The following ERBB4 variants were observed in gnomAD, a reference collection of about 807,000 sequenced individuals.
ERBB4 encodes erb-b2 receptor tyrosine kinase 4.
ERBB4 carries 42 observed loss-of-function variants against 158.0 expected under a neutral mutation model. That is an observed-to-expected ratio of 0.27 (90% CI 0.21 to 0.34). The LOEUF (loss-of-function observed/expected upper bound fraction) is 0.34. Ranked by LOEUF, ERBB4 falls within the 10% of genes least tolerant of loss-of-function variation. The probability of loss-of-function intolerance (pLI) is 1.00; values close to 1 mark genes in which losing one functional copy is unlikely to be tolerated. For synonymous variants in ERBB4, 583 were observed against 558.7 expected, an observed-to-expected ratio of 1.04 and a Z score of -0.61; for missense variants, 1,333 against 1,624.1, an observed-to-expected ratio of 0.82 and a Z score of 3.08.
At position 211,593,192 on chromosome 2, in the gene ERBB4, T is replaced by A. The variant is rs570960430; in HGVS notation, c.2301+25985A>T. Reference sequence around the variant, plus strand: ...GCCTTAAGAAAGTAGTTAAAGTTACTGACGATGGAACAAGAAAGTAAAGTA... The same window carrying A: ...GCCTTAAGAAAGTAGTTAAAGTTACAGACGATGGAACAAGAAAGTAAAGTA... On this transcript the variant is annotated intron_variant, in intron 19 of 27. Coordinates refer to ENST00000342788, the MANE Select transcript of ERBB4 (RefSeq NM_005235.3). Among the ~76,000 whole-genome samples, 7 of 152,204 alleles carry A rather than the reference T, an allele frequency of 4.6e-5. No homozygotes were observed. The East Asian group carries it at 1.4e-3, about 29-fold the overall frequency.
intron 20 of ERBB4, among the ~76,000 whole-genome samples, chr2:211,556,553 A>C (rs2067242334): frequency 6.6e-6 from 1 of 152,168 alleles, no homozygotes; most frequent in East Asian, 1.9e-4. Flanking sequence ...ACATAGGTGT[A>C]TATACTTACA....
chr2:212,345,267 A>AAAAAAAAAAAAAAAAAAAAAAAAAAAAT (rs1165656941), intron 1 of ERBB4, among the ~76,000 whole-genome samples: 1 of 147,986 alleles, frequency 6.8e-6, no homozygotes, highest in Admixed American at 6.7e-5. Context: ...CTCCGTCTCA[A>AAAAAAAAAAAAAAAAAAAAAAAAAAAAT]AAAAAAAAAA....
intron 1 of ERBB4, among the ~76,000 whole-genome samples, chr2:212,202,191 G>A (rs1161663781): frequency 6.6e-6 from 1 of 151,918 alleles, no homozygotes; most frequent in East Asian, 1.9e-4. Flanking sequence ...TTAAAATGGT[G>A]GTGCGAAATT....
In ERBB4 at chr2:211,712,684, A is replaced by C. The variant is rs532010848; in HGVS notation, c.998-508T>G. Reference sequence around the variant, plus strand: ...TTCTAATGATGTGAATTATAACCAAAATCAAGGGCCATTCAAATATTTATG... The same window carrying C: ...TTCTAATGATGTGAATTATAACCAACATCAAGGGCCATTCAAATATTTATG... On this transcript the variant is annotated intron_variant, in intron 8 of 27. Transcript: ENST00000342788. 3.3e-5 allele frequency among the ~76,000 whole-genome samples: 5 copies of C among 152,224 alleles called. No homozygotes were observed. In the East Asian group the frequency reaches 9.7e-4, roughly 29 times the overall value.
intron 1 of ERBB4, among the ~76,000 whole-genome samples, chr2:212,486,531 A>G (rs1263236360): frequency 6.6e-6 from 1 of 152,190 alleles, no homozygotes; most frequent in Non-Finnish European, 1.5e-5. Flanking sequence ...TCAGGGACTG[A>G]ATTTGCAGCT....
chr2:212,369,460 T>C (rs2090009795), intron 1 of ERBB4, among the ~76,000 whole-genome samples: 2 of 152,040 alleles, frequency 1.3e-5, no homozygotes, highest in Admixed American at 1.3e-4. Flanking sequence ...AATATATAAG[T>C]ATCTGTCCAA....
At chr2:211,387,795 A>G in intron 26 of ERBB4, 150 bp downstream of exon 26, 1 of 713,756 alleles carries the variant, frequency 1.4e-6, no homozygotes, top group Non-Finnish European at 2.6e-6. Flanking sequence ...ATAAAAACAC[A>G]TCTACAAAGG....
At chr2:211,630,644 A>G (rs2125873705) in intron 16 of ERBB4, 50 bp from the exon 17 acceptor site, 4 of 1,505,264 alleles carry the variant, frequency 2.7e-6, no homozygotes, top group Non-Finnish European at 3.7e-6. Context: ...AAGAGAGAGA[A>G]GACAGAGGAA....
rs114735075 is a variant in ERBB4 at position 212,072,810 on chromosome 2, C to T, written c.234+51942G>A. Among the ~76,000 whole-genome samples, 971 of 152,054 alleles carry T rather than the reference C, an allele frequency of 6.4e-3. 7 individuals are homozygous for T. Among genetic ancestry groups the T allele is most frequent in the Non-Finnish European group, 0.01 (705 of 67,936 alleles). On this transcript the variant is annotated intron_variant, in intron 2 of 27. Transcript: ENST00000342788. ...ACACAGATGAGGAAAAAGTAAGCCCCTGTTTCATGGAGCTTGAGATTATTA... is the reference window on the plus strand; with the variant it reads ...ACACAGATGAGGAAAAAGTAAGCCCTTGTTTCATGGAGCTTGAGATTATTA...
rs147972359 is a variant in ERBB4 at position 211,947,152 on chromosome 2, A to G, written c.421+278T>C. ...TTCACCTGAAACCACCAAACACAGC[A>G]TGTTTCATATCTCAGTTTTCAGTCA... On this transcript the variant is annotated intron_variant, in intron 3 of 27. Transcript: ENST00000342788. Among the ~76,000 whole-genome samples, 242 of 152,280 alleles carry G rather than the reference A, an allele frequency of 1.6e-3. 2 individuals carry two copies. The highest frequency in any genetic ancestry group is 5.5e-3 in the African/African-American group (229 of 41,564).
At chr2:212,381,265 G>C (rs1034506163) in intron 1 of ERBB4, among the ~76,000 whole-genome samples, 6 of 151,198 alleles carry the variant, frequency 4.0e-5, no homozygotes, top group African/African-American at 1.5e-4. Context: ...AAAAGTCAAA[G>C]GTTGGCTCAA....
chr2:212,347,409 T>C (rs1011446097), intron 1 of ERBB4, among the ~76,000 whole-genome samples: 3 of 152,252 alleles, frequency 2.0e-5, no homozygotes, highest in South Asian at 2.1e-4. Context: ...AAAAAGGGCA[T>C]TGGGAATCAC....
At chr2:212,348,574 A>G (rs1185026242) in intron 1 of ERBB4, among the ~76,000 whole-genome samples, 1 of 152,194 alleles carries the variant, frequency 6.6e-6, no homozygotes, top group Non-Finnish European at 1.5e-5. Context: ...CATCTGTTAT[A>G]GAATGTGAAA....
rs545494891 is a variant in ERBB4 at position 212,347,856 on chromosome 2, G to T, written c.82+190593C>A. Among the ~76,000 whole-genome samples the T allele has an allele frequency of 9.9e-5, 15 of 152,064 alleles. No homozygotes were observed. In the East Asian group the frequency reaches 2.5e-3, roughly 26 times the overall value. On this transcript the variant is annotated intron_variant, in intron 1 of 27. Coordinates refer to ENST00000342788, the MANE Select transcript of ERBB4 (RefSeq NM_005235.3). ...AATATGAATAAGTTTTAGTGGTCTG[G>T]TCTTTTAAGGGGGGAAAGTTCAAGA...
intron 2 of ERBB4, among the ~76,000 whole-genome samples, chr2:212,114,757 CAAGT>C (rs1167157239): frequency 1.3e-5 from 2 of 152,104 alleles, no homozygotes; most frequent in Non-Finnish European, 2.9e-5. Context: ...TAAAAACAAC[CAAGT>C]GTTTGACTTG....
At chr2:211,387,216 A>T in intron 26 of ERBB4, 66 bp from the exon 27 acceptor site, 4 of 1,250,118 alleles carry the variant, frequency 3.2e-6, no homozygotes, top group Non-Finnish European at 4.7e-6. Context: ...ATGAATGTTA[A>T]TAGCCACAAG....
rs148570055 is a variant in ERBB4, at chr2:212,177,432, A to G, written c.83-52529T>C. ...TCTGCCTAGCAAATTTAGTACAACA[A>G]TAATAATTCTGAAATAATCTGAACT... On this transcript the variant is annotated intron_variant, in intron 1 of 27. Transcript: ENST00000342788. Among the ~76,000 whole-genome samples the G allele has an allele frequency of 2.7e-3, 411 of 152,036 alleles. 3 individuals are homozygous for G. Among genetic ancestry groups the G allele is most frequent in the African/African-American group, 9.3e-3 (386 of 41,518 alleles).
rs948403110 is a variant in ERBB4, at chr2:211,993,794, T to TA, written c.235-46179dup. Among the ~76,000 whole-genome samples, 208 of 146,598 alleles carry TA rather than the reference T, an allele frequency of 1.4e-3. 1 individual carries two copies. Among genetic ancestry groups the TA allele is most frequent in the African/African-American group, 3.9e-3 (155 of 40,172 alleles). On this transcript the variant is annotated intron_variant, in intron 2 of 27. Transcript: ENST00000342788. ...TTTCTGCTTTTAAAAAAAAGAAACT[T>TA]AAAAAAAAAACCTAGTAGATTCCAG...
At chr2:211,904,247 GCT>G (rs2079315695) in intron 3 of ERBB4, among the ~76,000 whole-genome samples, 1 of 151,990 alleles carries the variant, frequency 6.6e-6, no homozygotes, top group African/African-American at 2.4e-5. Flanking sequence ...ATATAAACCA[GCT>G]CTCTTAAAAT....
Sources: allele counts gnomAD v4.1 joint callset (sites outside exome capture counted in the v4.1 genomes callset), GRCh38; gene constraint gnomAD v4.1.1; transcripts MANE v1.5; gene names NCBI Gene and HGNC (gene_info 2026-07-23, HGNC 2026-07-21).